Variants in GRM1 observed in about 807,000 individuals in gnomAD.
GRM1 encodes glutamate metabotropic receptor 1, also known as metabotropic glutamate receptor 1.
A neutral mutation model predicts 90.9 loss-of-function variants in GRM1; 33 were observed. That is an observed-to-expected ratio of 0.36 (90% CI 0.28 to 0.49). GRM1 has a LOEUF of 0.49. Ranked by LOEUF, GRM1 falls within the 20% of genes least tolerant of loss-of-function variation. The probability of loss-of-function intolerance (pLI) is 0.99; values close to 1 mark genes in which losing one functional copy is unlikely to be tolerated. For missense variants in GRM1, 1,190 were observed against 1,534.3 expected (o/e 0.78, Z 3.75); for synonymous variants, 700 against 613.2 (o/e 1.14, Z -2.09).
intron 1 of GRM1, among the ~76,000 whole-genome samples, chr6:146,050,385 G>A (rs1432136322): frequency 6.6e-6 from 1 of 152,032 alleles, no homozygotes; most frequent in Non-Finnish European, 1.5e-5. Flanking sequence ...GGGAGGCATT[G>A]TCAGAGGGTA....
intron 1 of GRM1, among the ~76,000 whole-genome samples, chr6:146,037,564 A>G (rs1790936483): frequency 6.6e-6 from 1 of 151,776 alleles, no homozygotes; most frequent in South Asian, 2.1e-4. Context: ...TGTCTTTCCA[A>G]CTTTGCTGCT....
chr6:146,104,502 G>C (rs534764042), intron 1 of GRM1, among the ~76,000 whole-genome samples: 1 of 152,188 alleles, frequency 6.6e-6, no homozygotes, highest in South Asian at 2.1e-4. Context: ...AAAATGAGGA[G>C]ATAACGAAAG....
intron 2 of GRM1, among the ~76,000 whole-genome samples, chr6:146,187,204 G>A (rs1778765423): frequency 6.6e-6 from 1 of 152,110 alleles, no homozygotes; most frequent in Non-Finnish European, 1.5e-5. Flanking sequence ...ACAACCAAAT[G>A]TGATTTCATT....
At chr6:146,264,345 T>C (rs926942469) in intron 2 of GRM1, among the ~76,000 whole-genome samples, 2 of 152,100 alleles carry the variant, frequency 1.3e-5, no homozygotes, top group African/African-American at 4.8e-5. Context: ...ACTTTAACAA[T>C]ATTTCTATCA....
intron 1 of GRM1, among the ~76,000 whole-genome samples, chr6:146,101,757 T>C (rs1777057732): frequency 1.3e-5 from 2 of 151,070 alleles, no homozygotes; most frequent in South Asian, 4.2e-4. Flanking sequence ...ATATCACTGG[T>C]ATTATTATGA....
chr6:146,402,113 G>C (rs1388061122), intron 7 of GRM1, among the ~76,000 whole-genome samples: 1 of 152,060 alleles, frequency 6.6e-6, no homozygotes, highest in Non-Finnish European at 1.5e-5. Context: ...AGGAAGTGCT[G>C]GTTTCATCAG....
rs147487324 is a variant in GRM1 at position 146,272,576 on chromosome 6, A to G, written c.951-32035A>G. Among the ~76,000 whole-genome samples the G allele has an allele frequency of 2.6e-5, 4 of 152,324 alleles. No homozygotes were observed. The East Asian group carries it at 5.8e-4, about 22-fold the overall frequency. On this transcript the variant is annotated intron_variant, in intron 2 of 7. Transcript: ENST00000282753. ...CAAATATCTATGATCAATACAGTAC[A>G]TTAGGAACACCATGAGAATACTACA...
At chr6:146,104,932 G>T (rs1222588107) in intron 1 of GRM1, among the ~76,000 whole-genome samples, 1 of 152,182 alleles carries the variant, frequency 6.6e-6, no homozygotes, top group African/African-American at 2.4e-5. Flanking sequence ...CTAGAAAAAT[G>T]GGTCTTTGTA....
intron 5 of GRM1, among the ~76,000 whole-genome samples, chr6:146,381,641 G>C (rs1776322406): frequency 6.6e-6 from 1 of 152,076 alleles, no homozygotes; most frequent in Non-Finnish European, 1.5e-5. Flanking sequence ...TCCTTGGTGG[G>C]GGAGGCAGAC....
intron 3 of GRM1, among the ~76,000 whole-genome samples, chr6:146,346,546 T>G (rs961573968): frequency 3.9e-5 from 6 of 152,028 alleles, no homozygotes; most frequent in African/African-American, 1.2e-4. Context: ...GTCCTAGACT[T>G]GGGCACAGGC....
chr6:146,213,259 A>G (rs544315020), intron 2 of GRM1, among the ~76,000 whole-genome samples: 74 of 152,252 alleles, frequency 4.9e-4, no homozygotes, highest in African/African-American at 1.7e-3. Flanking sequence ...GTTGAAGCAT[A>G]GAATTCAAAA....
intron 2 of GRM1, among the ~76,000 whole-genome samples, chr6:146,244,557 C>T (rs1271469444): frequency 1.3e-5 from 2 of 152,142 alleles, no homozygotes; most frequent in African/African-American, 4.8e-5. Flanking sequence ...AAAAGTTGTT[C>T]AATCAGTTGG....
chr6:146,061,615 T>C (rs1463191978), intron 1 of GRM1, among the ~76,000 whole-genome samples: 1 of 151,830 alleles, frequency 6.6e-6, no homozygotes, highest in African/African-American at 2.4e-5. Flanking sequence ...TTAAACAAAT[T>C]TACAAGAGAA....
At position 146,399,779 on chromosome 6, in the gene GRM1, C is replaced by T. The variant is rs1402832414; in HGVS notation, c.2660+80C>T. The T allele has an allele frequency of 1.1e-6, 1 of 946,930 alleles. No individual in the cohort carries two copies. Among genetic ancestry groups the T allele is most frequent in the South Asian group, 1.4e-5 (1 of 71,968 alleles). The allele number at this position is 946,930 out of a possible 1,614,324, so 58.7% of individuals were successfully genotyped here. ...TCTCTCTCTCTCTCTCTCTCTTTCT[C>T]TGTCTCTCATATCTTCCTCTAGTTT... On this transcript the variant is annotated intron_variant, in intron 7 of 7. Coordinates refer to ENST00000282753, the MANE Select transcript of GRM1 (RefSeq NM_001278064.2). The surrounding 1 kb of genome is among the most constrained non-coding windows in gnomAD (Gnocchi z 5.4).
intron 1 of GRM1, among the ~76,000 whole-genome samples, chr6:146,049,697 A>G (rs1288854718): frequency 1.4e-5 from 2 of 148,020 alleles, no homozygotes; most frequent in East Asian, 3.9e-4. Flanking sequence ...CTATCTATCT[A>G]TCTATCATCT....
At chr6:146,176,619 G>T (rs1778347858) in intron 2 of GRM1, among the ~76,000 whole-genome samples, 1 of 151,706 alleles carries the variant, frequency 6.6e-6, no homozygotes, top group African/African-American at 2.4e-5. Flanking sequence ...CAAAATATTT[G>T]AAAGGAAAAA....
chr6:146,113,173 A>G (rs1215738980), intron 1 of GRM1, among the ~76,000 whole-genome samples: 3 of 152,188 alleles, frequency 2.0e-5, no homozygotes, highest in African/African-American at 4.8e-5. Context: ...TCTAATGGCA[A>G]TGGAAAATTC....
intron 1 of GRM1, among the ~76,000 whole-genome samples, chr6:146,101,556 C>T (rs1281042148): frequency 1.3e-5 from 2 of 152,058 alleles, no homozygotes. Context: ...AGTCATTTTC[C>T]AACCTGCTGC....
intron 2 of GRM1, among the ~76,000 whole-genome samples, chr6:146,235,701 CGT>C (rs71028383): frequency 0.044 from 4,539 of 102,480 alleles, 67 homozygotes; most frequent in South Asian, 0.064. Flanking sequence ...TCTCTGTTAC[CGT>C]GTGTGTGTGT....
Sources: gnomAD v4.1 joint callset for allele counts (sites outside exome capture counted in the v4.1 genomes callset) on GRCh38, gnomAD v4.1.1 for gene constraint, Gnocchi (gnomAD v3.1) non-coding constraint, MANE v1.5 for transcripts, NCBI Gene and HGNC (gene_info 2026-07-23, HGNC 2026-07-21) for gene names.